Variants in GPHN observed in about 807,000 individuals in gnomAD.
GPHN encodes the protein gephyrin.
A neutral mutation model predicts 95.5 loss-of-function variants in GPHN; 17 were observed. The ratio of observed to expected loss-of-function variants is 0.18; its 90% CI spans 0.12 to 0.27. The LOEUF (loss-of-function observed/expected upper bound fraction) is 0.27, where lower values mean the gene tolerates loss of function less well. Among genes scored for constraint, GPHN ranks in the 10% least tolerant of loss-of-function variants. The probability of loss-of-function intolerance (pLI) is 1.00; values close to 1 mark genes in which losing one functional copy is unlikely to be tolerated. For missense variants in GPHN, 660 were observed against 978.1 expected (o/e 0.67, Z 4.34); for synonymous variants, 320 against 322.5 (o/e 0.99, Z 0.08).
chr14:67,107,552 C>T (rs1351622563), intron 13 of GPHN, among the ~76,000 whole-genome samples: 1 of 152,118 alleles, frequency 6.6e-6, no homozygotes, highest in East Asian at 1.9e-4. Flanking sequence ...GCCAGGGGAG[C>T]AGGGTATGGC....
the GPHN span, among the ~76,000 whole-genome samples, chr14:67,362,271 C>T: frequency 3.9e-5 from 6 of 151,946 alleles, no homozygotes; most frequent in Admixed American, 2.0e-4. Flanking sequence ...CCACCCGCCT[C>T]GGCCTCCCAA....
At chr14:67,497,558 C>G in the GPHN span, among the ~76,000 whole-genome samples, 14 of 152,282 alleles carry the variant, frequency 9.2e-5, no homozygotes, top group South Asian at 2.7e-3. Context: ...GAACGTTCTA[C>G]TGGACATCAC....
chr14:67,369,273 C>A, the GPHN span, among the ~76,000 whole-genome samples: 1 of 152,134 alleles, frequency 6.6e-6, no homozygotes, highest in African/African-American at 2.4e-5. Flanking sequence ...CAGATTTAAA[C>A]AGGGACATTT....
intron 1 of GPHN, among the ~76,000 whole-genome samples, chr14:66,524,691 CT>C (rs2058617341): frequency 6.6e-6 from 1 of 152,078 alleles, no homozygotes; most frequent in African/African-American, 2.4e-5. Context: ...TGTTCCCCTC[CT>C]TGTGTCCATG....
At chr14:66,532,474 A>G (rs1369666237) in intron 1 of GPHN, among the ~76,000 whole-genome samples, 2 of 152,180 alleles carry the variant, frequency 1.3e-5, no homozygotes, top group Non-Finnish European at 2.9e-5. Context: ...TTCTGCCATT[A>G]TTCTGTTGGT....
the GPHN span, among the ~76,000 whole-genome samples, chr14:67,300,586 C>A: frequency 6.6e-6 from 1 of 151,956 alleles, no homozygotes; most frequent in Admixed American, 6.6e-5. Flanking sequence ...CTTTGGCTTC[C>A]CAAAGTGCTG....
At chr14:67,453,197 C>T in the GPHN span, among the ~76,000 whole-genome samples, 9 of 150,386 alleles carry the variant, frequency 6.0e-5, no homozygotes, top group African/African-American at 2.2e-4. Context: ...TCAAATGCTG[C>T]TCCAATTATC....
intron 2 of GPHN, among the ~76,000 whole-genome samples, chr14:66,689,139 A>G (rs1323501411): frequency 6.6e-6 from 1 of 152,174 alleles, no homozygotes; most frequent in Non-Finnish European, 1.5e-5. Context: ...AAAAGCTTTT[A>G]ACTTTTCCCA....
the GPHN span, among the ~76,000 whole-genome samples, chr14:67,268,067 A>G: frequency 6.6e-6 from 1 of 152,140 alleles, no homozygotes; most frequent in South Asian, 2.1e-4. Flanking sequence ...ATTTTTACAG[A>G]TAAAAACATG....
the GPHN span, among the ~76,000 whole-genome samples, chr14:67,278,575 A>G: frequency 6.6e-6 from 1 of 152,146 alleles, no homozygotes; most frequent in Non-Finnish European, 1.5e-5. Context: ...TCATTCATCA[A>G]TTTCTTTAGC....
intron 2 of GPHN, among the ~76,000 whole-genome samples, chr14:66,765,301 A>G (rs1309491948): frequency 6.6e-6 from 1 of 152,236 alleles, no homozygotes; most frequent in Middle Eastern, 3.2e-3. Flanking sequence ...TGACCCAGCA[A>G]TTCCATTATT....
intron 13 of GPHN, among the ~76,000 whole-genome samples, chr14:67,102,214 G>A (rs906193246): frequency 4.6e-5 from 7 of 151,954 alleles, no homozygotes; most frequent in Non-Finnish European, 8.8e-5. Flanking sequence ...CTGTCAATCC[G>A]GTGAGTTACG....
chr14:67,380,451 C>G, the GPHN span, among the ~76,000 whole-genome samples: 1 of 152,064 alleles, frequency 6.6e-6, no homozygotes, highest in Non-Finnish European at 1.5e-5. Flanking sequence ...TTAGTCAGAT[C>G]ACTAAAATTT....
chr14:67,199,086 C>A, the GPHN span: 1 of 1,020,216 alleles, frequency 9.8e-7, no homozygotes, highest in African/African-American at 1.6e-5. Flanking sequence ...GATCTCCGAG[C>A]GGAACCAGGA....
intron 8 of GPHN, among the ~76,000 whole-genome samples, chr14:66,957,063 A>G (rs576733361): frequency 5.0e-4 from 76 of 151,284 alleles, no homozygotes; most frequent in Non-Finnish European, 1.0e-3. Context: ...ATGTATACAT[A>G]TGTAACTAAC....
the GPHN span, among the ~76,000 whole-genome samples, chr14:67,365,643 T>A: frequency 6.6e-6 from 1 of 152,234 alleles, no homozygotes; most frequent in African/African-American, 2.4e-5. Context: ...ACTCTTTTTT[T>A]AAACATGGTG....
At chr14:66,579,964 C>T (rs987269951) in intron 1 of GPHN, among the ~76,000 whole-genome samples, 12 of 151,670 alleles carry the variant, frequency 7.9e-5, no homozygotes, top group African/African-American at 2.7e-4. Context: ...GGGTATACCA[C>T]GTTAGTCTAG....
At chr14:67,292,673 G>A in the GPHN span, 6,169 of 1,613,690 alleles carry the variant, frequency 3.8e-3, 32 homozygotes, top group Non-Finnish European at 4.2e-3. Context: ...AACAAGGCCA[G>A]TCCTCCATTT....
At chr14:66,922,588 A>C in intron 6 of GPHN, 78 bp from the exon 7 acceptor site, 2 of 1,169,846 alleles carry the variant, frequency 1.7e-6, no homozygotes, top group Non-Finnish European at 2.4e-6. Context: ...CAAAATCACG[A>C]AACAGTTTGA....
Sources: gnomAD v4.1 joint callset for allele counts (sites outside exome capture counted in the v4.1 genomes callset) on GRCh38, gnomAD v4.1.1 for gene constraint, MANE v1.5 for transcripts, NCBI Gene and HGNC (gene_info 2026-07-23, HGNC 2026-07-21) for gene names.